Variants in AFF3 observed in about 807,000 individuals in gnomAD.
The protein encoded by AFF3 is ALF transcription elongation factor 3, also known as AF4/FMR2 family member 3.
In AFF3, 32 loss-of-function variants were observed where a neutral mutation model predicts 129.7. The ratio of observed to expected loss-of-function variants is 0.25; its 90% CI spans 0.19 to 0.33. The LOEUF (loss-of-function observed/expected upper bound fraction) is 0.33, where lower values mean the gene tolerates loss of function less well. AFF3 is among the 10% of genes least tolerant of loss of function. AFF3 has a pLI of 1.00. For missense variants in AFF3, 1,373 were observed against 1,592.0 expected (o/e 0.86, Z 2.34); for synonymous variants, 644 against 635.4 (o/e 1.01, Z -0.20).
At chr2:100,024,841 T>C (rs1683907897) in intron 4 of AFF3, among the ~76,000 whole-genome samples, 1 of 152,102 alleles carries the variant, frequency 6.6e-6, no homozygotes, top group Non-Finnish European at 1.5e-5. Context: ...TAATCTCTTG[T>C]ACATAAAATG....
At chr2:99,708,819 C>T (rs1281848314) in intron 11 of AFF3, among the ~76,000 whole-genome samples, 1 of 152,088 alleles carries the variant, frequency 6.6e-6, no homozygotes, top group Non-Finnish European at 1.5e-5. Flanking sequence ...TTCTGAACAT[C>T]TAAAGAAACC....
intron 10 of AFF3, 89 bp from the exon 11 acceptor site, chr2:99,727,217 T>C (rs1679434723): frequency 7.9e-7 from 1 of 1,258,300 alleles, no homozygotes; most frequent in Non-Finnish European, 1.1e-6. Flanking sequence ...CATGCTCCTA[T>C]TAACAATCTT....
chr2:99,897,646 T>C (rs1204730039), intron 7 of AFF3, among the ~76,000 whole-genome samples: 1 of 152,232 alleles, frequency 6.6e-6, no homozygotes, highest in African/African-American at 2.4e-5. Context: ...CGGTTCTAAC[T>C]TCCTTCCAGT....
intron 4 of AFF3, among the ~76,000 whole-genome samples, chr2:100,034,893 T>A (rs1267867056): frequency 6.6e-6 from 1 of 152,230 alleles, no homozygotes; most frequent in African/African-American, 2.4e-5. Flanking sequence ...TTTGTTTTAA[T>A]GGATGAGTAT....
chr2:100,065,480 C>G (rs544623651), intron 4 of AFF3, among the ~76,000 whole-genome samples: 1 of 152,124 alleles, frequency 6.6e-6, no homozygotes, highest in Non-Finnish European at 1.5e-5. Flanking sequence ...AAAAGAAAAT[C>G]CAGCAAAAAG....
At chr2:99,601,356 A>G in intron 14 of AFF3, 79 bp downstream of exon 14, 5 of 1,434,944 alleles carry the variant, frequency 3.5e-6, no homozygotes, top group Non-Finnish European at 4.6e-6. Context: ...CAGCAGTGTG[A>G]CAGTGACAAT....
intron 13 of AFF3, among the ~76,000 whole-genome samples, chr2:99,641,189 A>G (rs1684158064): frequency 6.6e-6 from 1 of 152,018 alleles, no homozygotes; most frequent in Non-Finnish European, 1.5e-5. Context: ...CCTGTCAGAG[A>G]GTAGGGTAAT....
intron 8 of AFF3, among the ~76,000 whole-genome samples, chr2:99,779,650 AGATAGTTTTT>A (rs1684234037): frequency 6.6e-6 from 1 of 152,176 alleles, no homozygotes; most frequent in African/African-American, 2.4e-5. Flanking sequence ...TGTACCCAGT[AGATAGTTTTT>A]CAGCCTTCAC....
intron 4 of AFF3, among the ~76,000 whole-genome samples, chr2:100,064,655 T>C (rs928878818): frequency 1.2e-4 from 18 of 152,196 alleles, no homozygotes; most frequent in Admixed American, 3.9e-4. Flanking sequence ...AGTCTATCTC[T>C]CACCATTTGC....
chr2:99,738,420 A>G (rs541534094), intron 10 of AFF3, among the ~76,000 whole-genome samples: 1 of 151,866 alleles, frequency 6.6e-6, no homozygotes, highest in Admixed American at 6.6e-5. Flanking sequence ...TTAATTCTCA[A>G]GTGTTCATTT....
chr2:99,819,817 G>A (rs13384501), intron 8 of AFF3, among the ~76,000 whole-genome samples: 243 of 152,254 alleles, frequency 1.6e-3, no homozygotes, highest in African/African-American at 5.5e-3. Flanking sequence ...CAGGGGAGCC[G>A]GAGCTTCTGC....
At chr2:99,995,516 G>A (rs1680761864) in intron 7 of AFF3, among the ~76,000 whole-genome samples, 1 of 152,006 alleles carries the variant, frequency 6.6e-6, no homozygotes, top group Non-Finnish European at 1.5e-5. Flanking sequence ...GGGACTACAG[G>A]CGACTGCCAC....
chr2:100,070,175 G>C (rs1390444497), intron 4 of AFF3, among the ~76,000 whole-genome samples: 1 of 151,170 alleles, frequency 6.6e-6, no homozygotes, highest in Non-Finnish European at 1.5e-5. Context: ...ATTCCTAGTT[G>C]CAAGTTATTA....
At position 99,640,614 on chromosome 2, in the gene AFF3, GT is replaced by G. The variant is rs34851835; in HGVS notation, c.1184+9011del. ...AGAGTAGGGAAAGCTGGGCCAGAGG[GT>G]TTTTTTTTTTCTTTTGCTTTCTTGT... On this transcript the variant is annotated intron_variant, in intron 13 of 24. Transcript: ENST00000672756. Among the ~76,000 whole-genome samples, 231 of 147,138 alleles carry G rather than the reference GT, an allele frequency of 1.6e-3. 1 individual carries two copies. Among genetic ancestry groups the G allele is most frequent in the African/African-American group, 3.7e-3 (150 of 40,146 alleles).
At chr2:99,570,429 T>C (rs1455984113) in intron 18 of AFF3, among the ~76,000 whole-genome samples, 1 of 152,134 alleles carries the variant, frequency 6.6e-6, no homozygotes, top group Non-Finnish European at 1.5e-5. Context: ...ATCAACCACC[T>C]GGGGTTAAGC....
chr2:100,024,178 G>C (rs1279723765), intron 4 of AFF3, among the ~76,000 whole-genome samples: 2 of 139,312 alleles, frequency 1.4e-5, no homozygotes, highest in African/African-American at 2.7e-5. Flanking sequence ...CTTGCAGTGA[G>C]CCGAGATCGC....
At chr2:99,951,070 A>T (rs192519082) in intron 7 of AFF3, among the ~76,000 whole-genome samples, 3 of 152,340 alleles carry the variant, frequency 2.0e-5, no homozygotes, top group Admixed American at 2.0e-4. Context: ...AAGACTAAGA[A>T]AAATTTATTC....
At chr2:99,921,704 GA>G (rs991249228) in intron 7 of AFF3, among the ~76,000 whole-genome samples, 20 of 151,996 alleles carry the variant, frequency 1.3e-4, no homozygotes, top group African/African-American at 4.8e-4. Context: ...AAATGTGAAA[GA>G]AAAATTGGAC....
At chr2:99,655,213 T>TTC (rs1685637650) in intron 12 of AFF3, among the ~76,000 whole-genome samples, 1 of 130,268 alleles carries the variant, frequency 7.7e-6, no homozygotes, top group Non-Finnish European at 1.6e-5. Flanking sequence ...CATGAAAAGC[T>TTC]ACACACACAC....
Sources: allele counts gnomAD v4.1 joint callset (sites outside exome capture counted in the v4.1 genomes callset), GRCh38; gene constraint gnomAD v4.1.1; transcripts MANE v1.5; gene names NCBI Gene and HGNC (gene_info 2026-07-23, HGNC 2026-07-21).